Variants in COQ5 observed in about 807,000 individuals in gnomAD.
The protein encoded by COQ5 is 2-methoxy-6-polyprenyl-1,4-benzoquinol methylase, mitochondrial.
COQ5 carries 27 observed loss-of-function variants against 40.5 expected under a neutral mutation model. The observed-to-expected ratio is 0.67, with a 90% confidence interval of 0.49 to 0.92. The LOEUF (loss-of-function observed/expected upper bound fraction) is 0.92, where lower values mean the gene tolerates loss of function less well. Ranked by LOEUF, COQ5 falls within the 40% of genes least tolerant of loss-of-function variation. The probability of loss-of-function intolerance (pLI) is 0.00; values close to 1 mark genes in which losing one functional copy is unlikely to be tolerated. For missense variants in COQ5, 409 were observed against 406.4 expected, an observed-to-expected ratio of 1.01 and a Z score of -0.06; for synonymous variants, 141 against 150.0, an observed-to-expected ratio of 0.94 and a Z score of 0.44.
chr12:120,505,029 A>C, intron 4 of COQ5, 46 bp from the exon 5 acceptor site: 82 of 1,487,414 alleles, frequency 5.5e-5, no homozygotes, highest in Non-Finnish European at 7.2e-5. Flanking sequence ...AGTAGACCTC[A>C]CTCAATTCCA....
At chr12:120,527,988 C>CAAAAAAAAAAAAAAAAAAA (rs55830211) in intron 1 of COQ5, among the ~76,000 whole-genome samples, 3 of 23,032 alleles carry the variant, frequency 1.3e-4, no homozygotes, top group Admixed American at 8.5e-4. Context: ...GACTCAGTCT[C>CAAAAAAAAAAAAAAAAAAA]AAAAAAAAAA....
At chr12:120,505,069 G>T in intron 4 of COQ5, 86 bp from the exon 5 acceptor site, 1 of 1,125,138 alleles carries the variant, frequency 8.9e-7, no homozygotes, top group Non-Finnish European at 1.3e-6. Context: ...GCTTCTGCAG[G>T]CATTAAAAAA....
intron 5 of COQ5, chr12:120,504,570 T>TC (rs1868796751): frequency 2.9e-6 from 1 of 341,630 alleles, no homozygotes; most frequent in African/African-American, 2.1e-5. Flanking sequence ...TTTTTTTTTT[T>TC]TTAAGCCAGT....
At chr12:120,520,459 G>T (rs1009309769) in intron 2 of COQ5, among the ~76,000 whole-genome samples, 1 of 151,982 alleles carries the variant, frequency 6.6e-6, no homozygotes, top group Non-Finnish European at 1.5e-5. Flanking sequence ...CTGAGTAGCT[G>T]TGATTACAGG....
At chr12:120,524,640 T>G (rs899707783) in intron 1 of COQ5, among the ~76,000 whole-genome samples, 11 of 152,124 alleles carry the variant, frequency 7.2e-5, no homozygotes, top group African/African-American at 1.7e-4. Context: ...CCTATCTCCC[T>G]GCCAGAAGGC....
chr12:120,523,512 C>A, intron 1 of COQ5: 2 of 238,514 alleles, frequency 8.4e-6, no homozygotes, highest in South Asian at 5.1e-5. Flanking sequence ...CATCACATTA[C>A]CTCTTTAATA....
At chr12:120,513,750 C>T (rs182645204) in intron 3 of COQ5, among the ~76,000 whole-genome samples, 1 of 151,810 alleles carries the variant, frequency 6.6e-6, no homozygotes, top group Non-Finnish European at 1.5e-5. Context: ...AAACTTTTGA[C>T]CTCAGGTGAT....
chr12:120,512,930 C>T lies in COQ5; in HGVS notation c.575-2807G>A, dbSNP rs147295271. Reference sequence around the variant, plus strand: ...AAAATTAGCCAGGCATGGTGGCATACACCTATAATCCTAGCTACTCACCTG... The same window carrying T: ...AAAATTAGCCAGGCATGGTGGCATATACCTATAATCCTAGCTACTCACCTG... On this transcript the variant is annotated intron_variant, in intron 3 of 6. Coordinates refer to ENST00000288532, the MANE Select transcript of COQ5 (RefSeq NM_032314.4). 3.5e-3 allele frequency among the ~76,000 whole-genome samples: 523 copies of T among 150,642 alleles called. 5 individuals carry two copies. Among genetic ancestry groups the T allele is most frequent in the Non-Finnish European group, 5.8e-3 (393 of 67,742 alleles).
chr12:120,522,617 G>T, intron 1 of COQ5: 3 of 650,344 alleles, frequency 4.6e-6, no homozygotes, highest in Non-Finnish European at 8.2e-6. Flanking sequence ...AGTCCAGGGG[G>T]GTCACACCAG....
Position 120,516,607 on chromosome 12 carries a change from C to G in COQ5, c.534G>C (p.Lys178Asn). 6.2e-7 allele frequency: 1 copy of G among 1,614,184 alleles called. No individual in the cohort carries two copies. ...GAGCCAAGGCTTTCTGCTTTCCAAC[C>G]TTTAGCATCTCCTTGTTGATGTCAC... ...VVCDINKEML[K>N]VGKQKALAQG... The change falls in exon 3 of 7, where the codon AAG becomes AAC. Residue 178 changes from lysine to asparagine, a missense_variant. Coordinates refer to ENST00000288532, the MANE Select transcript of COQ5 (RefSeq NM_032314.4).
At chr12:120,504,790 G>T in intron 5 of COQ5, 105 bp downstream of exon 5, 1 of 978,966 alleles carries the variant, frequency 1.0e-6, no homozygotes, top group South Asian at 1.4e-5. Flanking sequence ...CTGGTACTCT[G>T]AACTACAAAG....
chr12:120,526,907 G>A (rs1869979001), intron 1 of COQ5: 1 of 158,122 alleles, frequency 6.3e-6, no homozygotes. Context: ...AGTAGAGACG[G>A]AGTTTCACCG....
At chr12:120,507,273 G>A (rs1049467824) in intron 4 of COQ5, among the ~76,000 whole-genome samples, 7 of 150,264 alleles carry the variant, frequency 4.7e-5, no homozygotes, top group African/African-American at 1.7e-4. Context: ...AATATAAATG[G>A]AATCTATTCA....
At chr12:120,513,272 G>A (rs1238232986) in intron 3 of COQ5, among the ~76,000 whole-genome samples, 1 of 150,146 alleles carries the variant, frequency 6.7e-6, no homozygotes, top group African/African-American at 2.4e-5. Flanking sequence ...GGGAGGCCGA[G>A]GCGGGCGGAT....
intron 4 of COQ5, among the ~76,000 whole-genome samples, chr12:120,507,802 A>G (rs1033380226): frequency 2.0e-5 from 3 of 147,926 alleles, no homozygotes; most frequent in Admixed American, 1.3e-4. Context: ...CAGAAGAATC[A>G]CTTGAACCCA....
rs528148814 is a variant in COQ5 at position 120,510,039 on chromosome 12, C to T, written c.659G>A (p.Arg220Gln). ...TACCTGATCAATGTGTGTGACATTC[C>T]GGATCCCAAAGGCAATGGTGTAAAT... is the stretch of plus-strand genomic sequence containing the variant. ...FDIYTIAFGIRNVTHIDQALQ... is the reference protein window; with the variant it reads ...FDIYTIAFGIQNVTHIDQALQ... Residue 220 changes from arginine to glutamine, a missense_variant, in exon 4 of 7, where the codon CGG becomes CAG. By Grantham distance (43) the Arg-to-Gln change is conservative (BLOSUM62 1). Transcript: ENST00000288532. 47 of 1,613,864 alleles carry T rather than the reference C, an allele frequency of 2.9e-5. No homozygotes were observed. The highest frequency in any genetic ancestry group is 3.5e-5 in the Non-Finnish European group (41 of 1,179,820).
At chr12:120,507,683 T>C (rs1390199825) in intron 4 of COQ5, among the ~76,000 whole-genome samples, 2 of 147,710 alleles carry the variant, frequency 1.4e-5, no homozygotes, top group African/African-American at 5.0e-5. Context: ...AGGTTGGGAG[T>C]TTGAGACCAG....
rs1180405325 is a variant in COQ5, at chr12:120,528,959, T to C, written c.183A>G (p.Glu61=). The change falls in exon 1 of 7, where the codon GAA becomes GAG. Residue 61 remains glutamate (E), a synonymous_variant. Transcript: ENST00000288532. ...ETHFGFETVS[E]EEKGGKVYQV... ...TTTCACCTTTGCCCCCCTTCTCCTC[T>C]TCCGACACAGTCTCAAACCCAAAGT... 2 of 1,614,144 alleles carry C rather than the reference T, an allele frequency of 1.2e-6. No homozygotes were observed. Among genetic ancestry groups the C allele is most frequent in the South Asian group, 1.1e-5 (1 of 91,086 alleles).
chr12:120,508,123 G>T (rs1350024345), intron 4 of COQ5, among the ~76,000 whole-genome samples: 1 of 149,792 alleles, frequency 6.7e-6, no homozygotes, highest in Non-Finnish European at 1.5e-5. Context: ...AGCCTCCCAA[G>T]TAGCTGGGAC....
Sources: gnomAD v4.1 joint callset for allele counts (sites outside exome capture counted in the v4.1 genomes callset) on GRCh38, gnomAD v4.1.1 for gene constraint, MANE v1.5 for transcripts, NCBI Gene and HGNC (gene_info 2026-07-23, HGNC 2026-07-21) for gene names.